Variants in CR2 observed in about 807,000 individuals in gnomAD.
CR2 encodes complement C3d receptor 2.
In CR2, 96 loss-of-function variants were observed where a neutral mutation model predicts 123.0. That is an observed-to-expected ratio of 0.78 (90% CI 0.66 to 0.93). The LOEUF is 0.93. CR2 is among the 40% of genes least tolerant of loss of function. The pLI is 0.00. For synonymous variants in CR2, 484 were observed against 469.5 expected, an observed-to-expected ratio of 1.03 and a Z score of -0.40; for missense variants, 1,258 against 1,361.0, an observed-to-expected ratio of 0.92 and a Z score of 1.19.
At chr1:207,488,209 A>T (rs2102317229) in intron 19 of CR2, among the ~76,000 whole-genome samples, 1 of 152,336 alleles carries the variant, frequency 6.6e-6, no homozygotes, top group African/African-American at 2.4e-5. Flanking sequence ...TCCCAAGATA[A>T]TATCAAGATG....
chr1:207,459,433 A>G (rs918170784), intron 1 of CR2, among the ~76,000 whole-genome samples: 2 of 152,090 alleles, frequency 1.3e-5, no homozygotes, highest in Non-Finnish European at 2.9e-5. Flanking sequence ...GTATTTGATT[A>G]TATGAATTAT....
rs568997285 is a variant in CR2 at position 207,475,143 on chromosome 1, G to C, written c.2643G>C (p.Met881Ile). Residue 881 changes from methionine (M) to isoleucine (I), a missense_variant, in exon 14 of 20, where the codon ATG becomes ATC. Physicochemically the swap from Met to Ile is conservative, Grantham distance 10. Coordinates refer to ENST00000367057, the MANE Select transcript of CR2 (RefSeq NM_001006658.3). ...TTGACTGCAATCCTGGCTTCATCAT[G>C]AATGGTAGTCGCGTGATTAGGTGTC... is the stretch of plus-strand genomic sequence containing the variant. ...VYVDCNPGFI[M>I]NGSRVIRCHT... 17 of 1,612,748 alleles carry C rather than the reference G, an allele frequency of 1.1e-5. No individual in the cohort carries two copies. In the South Asian group the frequency reaches 1.7e-4, roughly 16 times the overall value.
At chr1:207,482,982 A>G (rs2102313370) in intron 18 of CR2, among the ~76,000 whole-genome samples, 1 of 152,000 alleles carries the variant, frequency 6.6e-6, no homozygotes, top group East Asian at 1.9e-4. Flanking sequence ...AAACCCTGAC[A>G]CGTAAATCTT....
At position 207,468,816 on chromosome 1, in the gene CR2, T is replaced by C; in HGVS notation, c.651T>C (p.Ser217=). The change falls in exon 4 of 20, where the codon TCT becomes TCC. Residue 217 remains serine (S), a synonymous_variant. Coordinates refer to ENST00000367057, the MANE Select transcript of CR2 (RefSeq NM_001006658.3). Reference sequence around the variant, plus strand: ...GTTTTTTAGAGGCACGCTGTAAATCTCTAGGACGATTTCCCAATGGGAAGG... The same window carrying C: ...GTTTTTTAGAGGCACGCTGTAAATCCCTAGGACGATTTCCCAATGGGAAGG... ...PPTCEEARCK[S]LGRFPNGKVK... 1 of 1,614,042 alleles carries C rather than the reference T, an allele frequency of 6.2e-7. No homozygotes were observed. Among genetic ancestry groups the C allele is most frequent in the Non-Finnish European group, 8.5e-7 (1 of 1,179,938 alleles).
At chr1:207,467,307 T>C (rs1272365287) in intron 2 of CR2, among the ~76,000 whole-genome samples, 1 of 152,006 alleles carries the variant, frequency 6.6e-6, no homozygotes, top group Non-Finnish European at 1.5e-5. Flanking sequence ...TTGAAATTAA[T>C]GTATAAGTAG....
At chr1:207,466,100 AG>A (rs1658091341) in intron 1 of CR2, among the ~76,000 whole-genome samples, 1 of 152,230 alleles carries the variant, frequency 6.6e-6, no homozygotes, top group Non-Finnish European at 1.5e-5. Flanking sequence ...AAAGAGAGTA[AG>A]ACTTGCCTGA....
intron 19 of CR2, among the ~76,000 whole-genome samples, chr1:207,488,140 A>G (rs76484450): frequency 0.046 from 6,931 of 152,254 alleles, 222 homozygotes; most frequent in Middle Eastern, 0.11. Context: ...GGATTATGTG[A>G]CAGTCTTTCA....
chr1:207,481,541 C>T (rs188964592), intron 18 of CR2, among the ~76,000 whole-genome samples: 17 of 152,076 alleles, frequency 1.1e-4, no homozygotes, highest in East Asian at 1.9e-4. Flanking sequence ...ATTTGCACCA[C>T]GACTACACCT....
intron 9 of CR2, 78 bp downstream of exon 9, chr1:207,471,577 T>C: frequency 2.0e-6 from 2 of 1,016,670 alleles, no homozygotes; most frequent in Middle Eastern, 2.1e-4. Flanking sequence ...TTTTGGGACA[T>C]GTTATGAGAA....
Position 207,473,054 on chromosome 1 carries a change from C to T in CR2, c.1853C>T (p.Ala618Val), listed in dbSNP as rs1216483358. 1 of 1,613,886 alleles carries T rather than the reference C, an allele frequency of 6.2e-7. No homozygotes were observed. Among genetic ancestry groups the T allele is most frequent in the Admixed American group, 1.7e-5 (1 of 59,970 alleles). The change falls in exon 10 of 20, where the codon GCC (alanine) becomes GTC (valine). Residue 618 changes from alanine (A) to valine (V), a missense_variant. Ala to Val is a moderately conservative substitution (Grantham distance 64). Transcript: ENST00000367057. The part of the protein sequence containing the change: ...ANGYKISGKE[A>V]PYFYNDTVTF... ...GGATACAAGATATCTGGCAAGGAAG[C>T]CCCATATTTCTACAATGACACTGTG...
Position 207,473,804 on chromosome 1 carries a change from C to T in CR2, c.2159C>T (p.Thr720Ile), listed in dbSNP as rs770238467. ...WSPSAPRCEETCQHVRQSLQE... is the reference protein window; with the variant it reads ...WSPSAPRCEEICQHVRQSLQE... ...AATTCCATCCTTGCTTCTCCAGAAACATGCCAGCATGTGAGACAGAGTCTT... is the reference window on the plus strand; with the variant it reads ...AATTCCATCCTTGCTTCTCCAGAAATATGCCAGCATGTGAGACAGAGTCTT... The change falls in exon 12 of 20, where the codon ACA (threonine) becomes ATA (isoleucine). Residue 720 changes from threonine to isoleucine, a missense_variant. Transcript: ENST00000367057. 1 of 1,613,982 alleles carries T rather than the reference C, an allele frequency of 6.2e-7. No individual in the cohort carries two copies. Among genetic ancestry groups the T allele is most frequent in the South Asian group, 1.1e-5 (1 of 91,082 alleles).
intron 1 of CR2, among the ~76,000 whole-genome samples, chr1:207,460,749 T>C (rs1409616756): frequency 6.6e-6 from 1 of 152,104 alleles, no homozygotes; most frequent in African/African-American, 2.4e-5. Flanking sequence ...TAACTTCTGT[T>C]CCATTATTAA....
chr1:207,476,498 T>A, intron 15 of CR2, 79 bp downstream of exon 15: 1 of 1,248,158 alleles, frequency 8.0e-7, no homozygotes, highest in Non-Finnish European at 1.1e-6. Context: ...ACTTTCAACT[T>A]AAAATAGCCA....
intron 9 of CR2, 38 bp downstream of exon 9, chr1:207,471,537 GAGA>G: frequency 1.5e-6 from 2 of 1,378,894 alleles, no homozygotes; most frequent in Non-Finnish European, 2.1e-6. Context: ...GAAATAATGT[GAGA>G]TCTATACATT....
chr1:207,482,669 T>G (rs940951421), intron 18 of CR2, among the ~76,000 whole-genome samples: 1 of 152,136 alleles, frequency 6.6e-6, no homozygotes, highest in African/African-American at 2.4e-5. Context: ...CCATGGTGGA[T>G]TATATGATAT....
rs138101264 is a variant in CR2, at chr1:207,481,026, G to T, written c.3188+973G>T. Among the ~76,000 whole-genome samples, 581 of 151,982 alleles carry T rather than the reference G, an allele frequency of 3.8e-3. 2 individuals are homozygous for T. The highest frequency in any genetic ancestry group is 0.013 in the African/African-American group (554 of 41,490). ...AGAAATATACTAGGTCTTTCCATTT[G>T]ATCAAGTAATCTTTTCTCTCCCTTA... On this transcript the variant is annotated intron_variant, in intron 18 of 19. Coordinates refer to ENST00000367057, the MANE Select transcript of CR2 (RefSeq NM_001006658.3).
At chr1:207,486,322 G>T (rs906583980) in intron 19 of CR2, among the ~76,000 whole-genome samples, 9 of 151,364 alleles carry the variant, frequency 5.9e-5, no homozygotes, top group African/African-American at 2.2e-4. Context: ...AGGCCATAAG[G>T]CAGTGTGTGC....
intron 19 of CR2, among the ~76,000 whole-genome samples, chr1:207,487,032 G>A (rs565944132): frequency 4.0e-4 from 61 of 152,248 alleles, no homozygotes; most frequent in African/African-American, 1.3e-3. Context: ...TAAGATCTCC[G>A]AGAAGTGAAA....
chr1:207,455,688 G>T (rs1657815491), intron 1 of CR2, among the ~76,000 whole-genome samples: 1 of 152,068 alleles, frequency 6.6e-6, no homozygotes, highest in South Asian at 2.1e-4. Context: ...AACTCCCTTT[G>T]AACAAATGTA....
Sources: allele counts gnomAD v4.1 joint callset (sites outside exome capture counted in the v4.1 genomes callset), GRCh38; gene constraint gnomAD v4.1.1; transcripts MANE v1.5; gene names NCBI Gene and HGNC (gene_info 2026-07-23, HGNC 2026-07-21).